The following PLAAT1 variants were observed in gnomAD, a reference collection of about 807,000 sequenced individuals.
PLAAT1 encodes the protein H-REV107 protein-related protein.
PLAAT1 carries 13 observed loss-of-function variants against 16.4 expected under a neutral mutation model. That is an observed-to-expected ratio of 0.79 (90% CI 0.52 to 1.26). The LOEUF (loss-of-function observed/expected upper bound fraction) is 1.26. Among genes scored for constraint, PLAAT1 ranks in the 50% most tolerant of loss-of-function variants. PLAAT1 has a pLI of 0.00. For missense variants in PLAAT1, 218 were observed against 207.8 expected (o/e 1.05, Z -0.30); for synonymous variants, 73 against 78.4 (o/e 0.93, Z 0.36).
chr3:193,281,061 A>T (rs753254445), downstream of PLAAT1: 7 of 310,288 alleles, frequency 2.3e-5, no homozygotes, highest in Non-Finnish European at 3.3e-5. Flanking sequence ...AGCACGTCTC[A>T]GAAGTGCTTG....
chr3:193,266,726 A>G (rs1220494324), intron 3 of PLAAT1, among the ~76,000 whole-genome samples: 1 of 152,202 alleles, frequency 6.6e-6, no homozygotes, highest in Non-Finnish European at 1.5e-5. Context: ...TAGCATGCCC[A>G]TAGTGGATAT....
chr3:193,261,362 C>T (rs1326102748), intron 2 of PLAAT1, among the ~76,000 whole-genome samples: 1 of 147,478 alleles, frequency 6.8e-6, no homozygotes, highest in East Asian at 2.0e-4. Flanking sequence ...AGCAAGACTC[C>T]ATAAAAAAAA....
rs1452169519 is a variant in PLAAT1, at chr3:193,245,036, A to AT, written c.-1+3509dup. Among the ~76,000 whole-genome samples, 7 of 152,324 alleles carry AT rather than the reference A, an allele frequency of 4.6e-5. No individual in the cohort carries two copies. In the East Asian group the frequency reaches 1.2e-3, roughly 25 times the overall value. ...ATATACATCATCTCACCAATTTATT[A>AT]TTTTTTGTGGTGGTGAGAATGTTAA... On this transcript the variant is annotated intron_variant, in intron 1 of 3. Coordinates refer to ENST00000264735, the MANE Select transcript of PLAAT1 (RefSeq NM_020386.5).
At chr3:193,244,497 A>G (rs980927655) in intron 1 of PLAAT1, among the ~76,000 whole-genome samples, 1 of 151,384 alleles carries the variant, frequency 6.6e-6, no homozygotes, top group Admixed American at 6.6e-5. Context: ...ACAATGATTT[A>G]TATTTATGGG....
intron 1 of PLAAT1, among the ~76,000 whole-genome samples, chr3:193,249,183 G>T (rs73072872): frequency 0.016 from 2,388 of 151,996 alleles, 70 homozygotes; most frequent in African/African-American, 0.054. Flanking sequence ...GATCTGATGG[G>T]GGTCCCCTTT....
chr3:193,251,832 T>G (rs1292976357), intron 1 of PLAAT1, among the ~76,000 whole-genome samples: 1 of 152,148 alleles, frequency 6.6e-6, no homozygotes, highest in Non-Finnish European at 1.5e-5. Context: ...ATAATTGATC[T>G]GTGTGTAGGT....
Position 193,241,522 on chromosome 3 carries a change from C to G in PLAAT1, c.-12C>G. 8.1e-7 allele frequency: 1 copy of G among 1,231,920 alleles called. No individual in the cohort carries two copies. The highest frequency in any genetic ancestry group is 4.2e-5 in the Admixed American group (1 of 23,724). The allele number at this position is 1,231,920 out of a possible 1,614,324, so 76.3% of individuals were successfully genotyped here. ...TCCCGGTGCGAGAAGAAGACCCCGG[C>G]TTGAGAGTGAGGTGTGCTGGGCGGA... On this transcript the variant is annotated 5_prime_UTR_variant, in exon 1 of 4. Coordinates refer to ENST00000264735, the MANE Select transcript of PLAAT1 (RefSeq NM_020386.5).
chr3:193,261,409 G>T (rs949714868), intron 2 of PLAAT1, among the ~76,000 whole-genome samples: 1 of 151,860 alleles, frequency 6.6e-6, no homozygotes, highest in Non-Finnish European at 1.5e-5. Flanking sequence ...ATAACCTGGA[G>T]TATTTTCCTC....
chr3:193,281,050 C>T (rs1717471270), downstream of PLAAT1: 1 of 226,984 alleles, frequency 4.4e-6, no homozygotes, highest in South Asian at 1.6e-4. Flanking sequence ...TAAATAAATG[C>T]AGCACGTCTC....
At chr3:193,262,483 A>T (rs1716620919) in intron 2 of PLAAT1, among the ~76,000 whole-genome samples, 2 of 152,062 alleles carry the variant, frequency 1.3e-5, no homozygotes, top group Non-Finnish European at 2.9e-5. Context: ...TGCCTAGTTG[A>T]AAAACAAGTT....
chr3:193,253,647 T>A (rs1716273288), intron 1 of PLAAT1, among the ~76,000 whole-genome samples: 1 of 152,118 alleles, frequency 6.6e-6, no homozygotes, highest in Admixed American at 6.5e-5. Flanking sequence ...TAAGTTCCAG[T>A]GACCTGCCCA....
At chr3:193,271,667 C>T (rs1716984209), downstream of PLAAT1, among the ~76,000 whole-genome samples, 4 of 152,180 alleles carry the variant, frequency 2.6e-5, no homozygotes, top group Admixed American at 2.6e-4. Flanking sequence ...ACTACACCAC[C>T]AGCCAATGAC....
downstream of PLAAT1, among the ~76,000 whole-genome samples, chr3:193,272,472 A>AC (rs397726905): frequency 2.0e-5 from 3 of 151,178 alleles, no homozygotes; most frequent in Non-Finnish European, 4.4e-5. Context: ...AAACAAAAAA[A>AC]CCCAGTTTTC....
chr3:193,260,703 C>G (rs2108795146), intron 2 of PLAAT1, among the ~76,000 whole-genome samples: 1 of 151,914 alleles, frequency 6.6e-6, no homozygotes, highest in South Asian at 2.1e-4. Context: ...AAAACAGATG[C>G]TGGTGATGTT....
downstream of PLAAT1, among the ~76,000 whole-genome samples, chr3:193,279,841 C>T (rs1460578026): frequency 1.3e-5 from 2 of 151,970 alleles, 1 homozygote; most frequent in Non-Finnish European, 2.9e-5. Context: ...CATTCAAGGC[C>T]TTCCACAATC....
intron 1 of PLAAT1, among the ~76,000 whole-genome samples, chr3:193,247,298 A>G (rs191786510): frequency 6.6e-6 from 1 of 152,184 alleles, no homozygotes; most frequent in African/African-American, 2.4e-5. Flanking sequence ...AGATAAGGGA[A>G]CTTGCACAGG....
chr3:193,273,350 C>T (rs995139891), downstream of PLAAT1, among the ~76,000 whole-genome samples: 16 of 152,148 alleles, frequency 1.1e-4, no homozygotes, highest in African/African-American at 3.6e-4. Context: ...AATTATTACT[C>T]TCCAGAGAGC....
chr3:193,279,976 T>TAAAAAAA (rs57617984), downstream of PLAAT1, among the ~76,000 whole-genome samples: 6 of 59,894 alleles, frequency 1.0e-4, no homozygotes, highest in African/African-American at 1.6e-4. Context: ...GTGTCTTTGT[T>TAAAAAAA]AAAAAAAAAA....
At chr3:193,242,545 T>C (rs1193451638) in intron 1 of PLAAT1, among the ~76,000 whole-genome samples, 2 of 152,128 alleles carry the variant, frequency 1.3e-5, no homozygotes, top group African/African-American at 4.8e-5. Flanking sequence ...GATAGTTTGA[T>C]TTGCCTAGAA....
Sources: allele counts gnomAD v4.1 joint callset (sites outside exome capture counted in the v4.1 genomes callset), GRCh38; gene constraint gnomAD v4.1.1; transcripts MANE v1.5; gene names NCBI Gene and HGNC (gene_info 2026-07-23, HGNC 2026-07-21).